SLC24A2: variants seen among roughly 807,000 people sequenced by gnomAD.
SLC24A2 encodes the protein sodium/potassium/calcium exchanger 2.
SLC24A2 carries 36 observed loss-of-function variants against 62.0 expected under a neutral mutation model. The observed-to-expected ratio is 0.58, with a 90% CI of 0.44 to 0.77. SLC24A2 has a LOEUF of 0.77. Among genes scored for constraint, SLC24A2 ranks in the 30% least tolerant of loss-of-function variants. SLC24A2 has a pLI of 0.00. For missense variants in SLC24A2, 846 were observed against 817.9 expected (o/e 1.03, Z -0.42); for synonymous variants, 358 against 294.0 (o/e 1.22, Z -2.23).
At chr9:20,075,847 C>CATGAGG in the SLC24A2 span, among the ~76,000 whole-genome samples, 1 of 152,184 alleles carries the variant, frequency 6.6e-6, no homozygotes, top group Admixed American at 6.5e-5. Context: ...CCTCGGCATC[C>CATGAGG]ATGAGGAATT....
intron 2 of SLC24A2, among the ~76,000 whole-genome samples, chr9:19,721,474 T>C (rs1821023294): frequency 6.6e-6 from 1 of 152,164 alleles, no homozygotes; most frequent in South Asian, 2.1e-4. Flanking sequence ...GAAATATGTG[T>C]TCCAATATAA....
the SLC24A2 span, among the ~76,000 whole-genome samples, chr9:20,091,659 T>A: frequency 1.3e-5 from 2 of 152,144 alleles, no homozygotes; most frequent in African/African-American, 4.8e-5. Flanking sequence ...TAAGCAAATG[T>A]TGAGGGAGTC....
chr9:19,786,980 A>G lies in SLC24A2; in HGVS notation c.-114T>C. The G allele has an allele frequency of 6.8e-7, 1 of 1,477,730 alleles. No homozygotes were observed. The highest frequency in any genetic ancestry group is 2.3e-5 in the East Asian group (1 of 43,490). 91.5% of individuals were successfully genotyped at this position (1,477,730 alleles called of 1,614,324 possible). A position where few individuals can be genotyped will look rare whatever the true frequency, so the allele number is the denominator to read the frequency against. Reference sequence around the variant, plus strand: ...ATGCTTGTGGGGTACTTTCACAATCAGGGATTGTTATGCTTCACAGGAAAC... The same window carrying G: ...ATGCTTGTGGGGTACTTTCACAATCGGGGATTGTTATGCTTCACAGGAAAC... On this transcript the variant is annotated 5_prime_UTR_variant, in exon 2 of 11. Coordinates refer to ENST00000341998, the MANE Select transcript of SLC24A2 (RefSeq NM_020344.4). This position sits in a 1 kb window ranked among gnomAD's most constrained non-coding sequence, Gnocchi z 5.0.
chr9:20,132,921 A>T, the SLC24A2 span, among the ~76,000 whole-genome samples: 2 of 152,122 alleles, frequency 1.3e-5, no homozygotes, highest in Non-Finnish European at 2.9e-5. Context: ...TTAAAAATTA[A>T]ATTAATTAAA....
the SLC24A2 span, among the ~76,000 whole-genome samples, chr9:20,195,491 T>C: frequency 2.0e-5 from 3 of 152,186 alleles, no homozygotes; most frequent in Non-Finnish European, 2.9e-5. Context: ...TTTTGTGAAG[T>C]GTCTGTCTAA....
the SLC24A2 span, among the ~76,000 whole-genome samples, chr9:19,890,906 A>AT: frequency 1.3e-5 from 2 of 152,012 alleles, no homozygotes; most frequent in African/African-American, 2.4e-5. Flanking sequence ...CTCACTCGAC[A>AT]TTTTTTTCCA....
chr9:20,030,403 C>A, the SLC24A2 span, among the ~76,000 whole-genome samples: 10 of 152,174 alleles, frequency 6.6e-5, no homozygotes, highest in Admixed American at 6.5e-4. Flanking sequence ...GGTAACCGAG[C>A]TCCTCCTGTA....
At chr9:20,051,548 G>C in the SLC24A2 span, among the ~76,000 whole-genome samples, 3 of 150,912 alleles carry the variant, frequency 2.0e-5, no homozygotes, top group African/African-American at 7.3e-5. Context: ...GTATATTCTA[G>C]TCAAGCATAC....
At chr9:19,819,374 T>G in the SLC24A2 span, among the ~76,000 whole-genome samples, 1 of 152,148 alleles carries the variant, frequency 6.6e-6, no homozygotes, top group Non-Finnish European at 1.5e-5. Context: ...AAAGAGCTTT[T>G]GCACGGCAAA....
intron 7 of SLC24A2, among the ~76,000 whole-genome samples, chr9:19,565,490 T>C (rs1835610411): frequency 6.6e-6 from 1 of 150,680 alleles, no homozygotes; most frequent in Non-Finnish European, 1.5e-5. Context: ...GGAAGAACAT[T>C]CCATGCTCAT....
intron 2 of SLC24A2, among the ~76,000 whole-genome samples, chr9:19,660,535 T>C (rs1274950550): frequency 2.0e-5 from 3 of 152,026 alleles, no homozygotes; most frequent in Non-Finnish European, 2.9e-5. Flanking sequence ...TGCTGTCATT[T>C]TGAGGAGGGG....
chr9:20,093,792 G>A, the SLC24A2 span, among the ~76,000 whole-genome samples: 1 of 152,040 alleles, frequency 6.6e-6, no homozygotes. Context: ...TAATTTAACT[G>A]TAAATTTTAA....
chr9:20,024,982 C>A, the SLC24A2 span, among the ~76,000 whole-genome samples: 1 of 152,166 alleles, frequency 6.6e-6, no homozygotes, highest in Non-Finnish European at 1.5e-5. Context: ...CTTCCCTAGA[C>A]CACCAGGCCA....
the SLC24A2 span, among the ~76,000 whole-genome samples, chr9:20,266,293 C>A: frequency 1.3e-5 from 2 of 152,078 alleles, no homozygotes; most frequent in Admixed American, 1.3e-4. Flanking sequence ...CCCCGGACAC[C>A]CAGCTTTAAA....
At chr9:20,092,791 C>T in the SLC24A2 span, among the ~76,000 whole-genome samples, 6 of 152,134 alleles carry the variant, frequency 3.9e-5, no homozygotes, top group Admixed American at 3.9e-4. Context: ...GTAAACAATG[C>T]AGTGTTATTA....
the SLC24A2 span, among the ~76,000 whole-genome samples, chr9:20,148,462 T>A: frequency 6.6e-6 from 1 of 152,116 alleles, no homozygotes; most frequent in Admixed American, 6.6e-5. Flanking sequence ...GAGGCATTCC[T>A]GCAATCAGAG....
the SLC24A2 span, among the ~76,000 whole-genome samples, chr9:19,998,715 A>T: frequency 6.6e-6 from 1 of 152,154 alleles, no homozygotes; most frequent in Non-Finnish European, 1.5e-5. Flanking sequence ...GTCTGCCCAT[A>T]TTGCTGTGTG....
At chr9:19,612,180 A>G (rs1837192899) in intron 4 of SLC24A2, among the ~76,000 whole-genome samples, 1 of 152,196 alleles carries the variant, frequency 6.6e-6, no homozygotes, top group African/African-American at 2.4e-5. Context: ...ACCAAACACT[A>G]TTATTATCAC....
At chr9:20,054,920 A>T in the SLC24A2 span, among the ~76,000 whole-genome samples, 1 of 152,226 alleles carries the variant, frequency 6.6e-6, no homozygotes, top group Non-Finnish European at 1.5e-5. Context: ...CTCAATCATA[A>T]AAAACAAGTG....
Sources: gnomAD v4.1 joint callset for allele counts (sites outside exome capture counted in the v4.1 genomes callset) on GRCh38, gnomAD v4.1.1 for gene constraint, Gnocchi (gnomAD v3.1) non-coding constraint, MANE v1.5 for transcripts, NCBI Gene and HGNC (gene_info 2026-07-23, HGNC 2026-07-21) for gene names.